HECW2: variants seen among roughly 807,000 people sequenced by gnomAD.
HECW2 encodes the protein HECT, C2 and WW domain containing E3 ubiquitin protein ligase 2.
Under a neutral mutation model 175.2 loss-of-function variants are expected in HECW2, and 61 were observed. The ratio of observed to expected loss-of-function variants is 0.35; its 90% CI spans 0.28 to 0.43. The LOEUF is 0.43. Ranked by LOEUF, HECW2 falls within the 20% of genes least tolerant of loss-of-function variation. The pLI, the probability that HECW2 is intolerant of heterozygous loss-of-function variation, is 1.00. For missense variants in HECW2, 1,524 were observed against 2,000.5 expected (o/e 0.76, Z 4.54); for synonymous variants, 671 against 731.0 (o/e 0.92, Z 1.32).
At chr2:196,552,686 C>A (rs1222030814) in intron 1 of HECW2, among the ~76,000 whole-genome samples, 1 of 152,196 alleles carries the variant, frequency 6.6e-6, no homozygotes, top group African/African-American at 2.4e-5. Flanking sequence ...TGTCTTACCT[C>A]CTCTTCCTGA....
chr2:196,553,687 G>A (rs1391598778), intron 1 of HECW2, among the ~76,000 whole-genome samples: 2 of 152,118 alleles, frequency 1.3e-5, no homozygotes, highest in Non-Finnish European at 2.9e-5. Flanking sequence ...TCTGATTTGC[G>A]GAACAACAGT....
intron 1 of HECW2, among the ~76,000 whole-genome samples, chr2:196,552,873 G>A (rs905418946): frequency 2.6e-5 from 4 of 152,200 alleles, no homozygotes; most frequent in East Asian, 1.9e-4. Context: ...AAATGTCTCC[G>A]GCATTAAGGA....
At chr2:196,297,727 T>C (rs545137010) in intron 13 of HECW2, among the ~76,000 whole-genome samples, 16 of 152,340 alleles carry the variant, frequency 1.1e-4, no homozygotes, top group African/African-American at 3.6e-4. Flanking sequence ...TCACCAAATC[T>C]ATAGCAAACA....
chr2:196,492,252 C>G (rs1291599658), intron 1 of HECW2, among the ~76,000 whole-genome samples: 1 of 152,114 alleles, frequency 6.6e-6, no homozygotes, highest in East Asian at 1.9e-4. Flanking sequence ...GTGAGCAAAC[C>G]AAGTGTCACT....
intron 1 of HECW2, among the ~76,000 whole-genome samples, chr2:196,531,028 C>G (rs1688822951): frequency 6.6e-6 from 1 of 152,208 alleles, no homozygotes; most frequent in Non-Finnish European, 1.5e-5. Flanking sequence ...TTATCCCTAA[C>G]CTTAAGACTG....
intron 1 of HECW2, among the ~76,000 whole-genome samples, chr2:196,492,236 G>A (rs16852570): frequency 0.084 from 12,729 of 152,114 alleles, 700 homozygotes; most frequent in African/African-American, 0.15. Context: ...CAAAGGGGAC[G>A]CCACAGTGAG....
intron 1 of HECW2, among the ~76,000 whole-genome samples, chr2:196,520,635 G>T (rs1209380571): frequency 6.6e-6 from 1 of 152,208 alleles, no homozygotes; most frequent in Non-Finnish European, 1.5e-5. Context: ...TTGGAGGTTA[G>T]AAATGTTCAC....
intron 4 of HECW2, chr2:196,331,220 G>C: frequency 1.0e-6 from 1 of 984,918 alleles, no homozygotes. Context: ...CCAATTCCTG[G>C]GTCATAGAGT....
At chr2:196,464,641 G>T (rs1188859855) in intron 1 of HECW2, among the ~76,000 whole-genome samples, 2 of 152,188 alleles carry the variant, frequency 1.3e-5, no homozygotes, top group Non-Finnish European at 2.9e-5. Context: ...GAATTCAGAG[G>T]AGGCAAAAGG....
At chr2:196,243,026 A>T (rs530626520) in intron 19 of HECW2, among the ~76,000 whole-genome samples, 6 of 152,148 alleles carry the variant, frequency 3.9e-5, no homozygotes, top group Non-Finnish European at 7.3e-5. Context: ...ACTATCACCA[A>T]GAATGATTTT....
At position 196,320,424 on chromosome 2, in the gene HECW2, G is replaced by T; in HGVS notation, c.900C>A (p.Ser300Arg). 1 of 1,610,992 alleles carries T rather than the reference G, an allele frequency of 6.2e-7. No homozygotes were observed. The highest frequency in any genetic ancestry group is 8.5e-7 in the Non-Finnish European group (1 of 1,177,490). ...ERQAIGDQMLSYNLGRRLPAD... is the reference protein window; with the variant it reads ...ERQAIGDQMLRYNLGRRLPAD... Reference sequence around the variant, plus strand: ...CTGGGAGCCTTCTGCCAAGGTTGTAGCTGAGCATTTGATCACTGCAAGAAG... The same window carrying T: ...CTGGGAGCCTTCTGCCAAGGTTGTATCTGAGCATTTGATCACTGCAAGAAG... Residue 300 changes from serine to arginine, a missense_variant, in exon 8 of 29, where the codon AGC becomes AGA. Around this residue, in one of 11 missense-constraint regions of HECW2, gnomAD observed 95 missense variants for 136.8 expected, o/e 0.69. Coordinates refer to ENST00000644978, the MANE Select transcript of HECW2 (RefSeq NM_001348768.2).
intron 1 of HECW2, among the ~76,000 whole-genome samples, chr2:196,547,470 C>T (rs1475880507): frequency 6.6e-6 from 1 of 152,222 alleles, no homozygotes; most frequent in Non-Finnish European, 1.5e-5. Context: ...CTCTATCAAA[C>T]TTACAAAATA....
chr2:196,304,046 G>C (rs56255209), intron 13 of HECW2, among the ~76,000 whole-genome samples: 28,095 of 152,118 alleles, frequency 0.18, 2,764 homozygotes, highest in Middle Eastern at 0.27. Context: ...TTGCATAACA[G>C]CTAGAAGGAA....
intron 2 of HECW2, among the ~76,000 whole-genome samples, chr2:196,398,614 G>T (rs527708670): frequency 6.6e-6 from 1 of 151,968 alleles, no homozygotes; most frequent in East Asian, 1.9e-4. Flanking sequence ...TCTGGCTTTC[G>T]GTCCAAGGTG....
chr2:196,302,654 C>T (rs1257475243), intron 13 of HECW2, among the ~76,000 whole-genome samples: 1 of 152,026 alleles, frequency 6.6e-6, no homozygotes, highest in Non-Finnish European at 1.5e-5. Flanking sequence ...AGCTGTATTC[C>T]TAGGTATTTT....
intron 1 of HECW2, chr2:196,586,597 A>G (rs1690985347): frequency 1.3e-5 from 2 of 152,296 alleles, no homozygotes; most frequent in East Asian, 3.9e-4. Flanking sequence ...CGTCTTCTCC[A>G]TGAAGTGGGT....
chr2:196,286,567 C>CTT (rs1690398282), intron 14 of HECW2, among the ~76,000 whole-genome samples: 1 of 152,000 alleles, frequency 6.6e-6, no homozygotes, highest in Non-Finnish European at 1.5e-5. Context: ...GGTACACAAC[C>CTT]CCTAGACAGT....
intron 1 of HECW2, among the ~76,000 whole-genome samples, chr2:196,532,281 C>T (rs916466010): frequency 1.3e-5 from 2 of 152,094 alleles, no homozygotes; most frequent in Non-Finnish European, 2.9e-5. Flanking sequence ...ATATACACCA[C>T]GGAATACTAT....
At chr2:196,549,594 CT>C (rs200999438) in intron 1 of HECW2, among the ~76,000 whole-genome samples, 22,051 of 144,398 alleles carry the variant, frequency 0.15, 1,597 homozygotes, top group Middle Eastern at 0.26. Flanking sequence ...CAGTCTTGCT[CT>C]TTTTTTTTTT....
Sources: allele counts gnomAD v4.1 joint callset (sites outside exome capture counted in the v4.1 genomes callset), GRCh38; gene constraint gnomAD v4.1.1; regional missense constraint gnomAD v4.1.1; transcripts MANE v1.5; gene names NCBI Gene and HGNC (gene_info 2026-07-23, HGNC 2026-07-21).